The following PCDHGA7 variants were observed in gnomAD, a reference collection of about 807,000 sequenced individuals.
The protein encoded by PCDHGA7 is protocadherin gamma subfamily A, 7.
A neutral mutation model predicts 58.3 loss-of-function variants in PCDHGA7; 44 were observed. The observed-to-expected ratio is 0.75, with a 90% confidence interval of 0.59 to 0.97. The LOEUF (loss-of-function observed/expected upper bound fraction) is 0.97. Among genes scored for constraint, PCDHGA7 ranks in the 50% least tolerant of loss-of-function variants. The probability of loss-of-function intolerance (pLI) is 0.00; values close to 1 mark genes in which losing one functional copy is unlikely to be tolerated. For synonymous variants in PCDHGA7, 516 were observed against 504.2 expected (o/e 1.02, Z -0.31); for missense variants, 1,266 against 1,188.7 (o/e 1.06, Z -0.96).
intron 1 of PCDHGA7, chr5:141,399,103 C>CA (rs755732381): frequency 6.2e-7 from 1 of 1,613,604 alleles, no homozygotes; most frequent in African/African-American, 1.3e-5. Context: ...ACTGGTTGCA[C>CA]AATGTACAGT....
chr5:141,389,834 A>G, intron 1 of PCDHGA7: 2 of 1,613,988 alleles, frequency 1.2e-6, no homozygotes, highest in Non-Finnish European at 1.7e-6. Context: ...GTGGACAGCC[A>G]CCACTCTCGG....
chr5:141,400,588 T>TC, intron 1 of PCDHGA7: 1 of 1,606,158 alleles, frequency 6.2e-7, no homozygotes, highest in South Asian at 1.1e-5. Flanking sequence ...TACATGAAAC[T>TC]ATCGTACATT....
At chr5:141,442,466 A>T (rs1270035223) in intron 1 of PCDHGA7, 1 of 152,254 alleles carries the variant, frequency 6.6e-6, no homozygotes, top group African/African-American at 2.4e-5. Flanking sequence ...TTCACTGCAG[A>T]AAGCCCCTTG....
chr5:141,448,505 T>C (rs1041076095), intron 1 of PCDHGA7, among the ~76,000 whole-genome samples: 24 of 152,172 alleles, frequency 1.6e-4, no homozygotes, highest in African/African-American at 5.8e-4. Flanking sequence ...AGGTAAACAT[T>C]TTATAACTTT....
At chr5:141,408,045 A>G (rs544263424) in intron 1 of PCDHGA7, 8 of 1,236,658 alleles carry the variant, frequency 6.5e-6, no homozygotes, top group Admixed American at 3.0e-5. Flanking sequence ...CAGCTCCCAC[A>G]CAGAGCCTCC....
At chr5:141,387,298 A>G (rs2090894771) in intron 1 of PCDHGA7, among the ~76,000 whole-genome samples, 1 of 152,244 alleles carries the variant, frequency 6.6e-6, no homozygotes, top group Admixed American at 6.5e-5. Context: ...AAATGTATCC[A>G]GTATATTTCT....
chr5:141,415,045 G>T, intron 1 of PCDHGA7: 1 of 1,613,538 alleles, frequency 6.2e-7, no homozygotes, highest in East Asian at 2.2e-5. Context: ...CTTCGCGGTG[G>T]GGGAGCACAC....
chr5:141,419,647 G>C (rs370948584), intron 1 of PCDHGA7: 6 of 1,612,592 alleles, frequency 3.7e-6, no homozygotes, highest in Non-Finnish European at 5.1e-6. Context: ...CCGTGGACGC[G>C]GACTCGGGGC....
At chr5:141,447,937 T>A (rs1036604034) in intron 1 of PCDHGA7, among the ~76,000 whole-genome samples, 1 of 151,852 alleles carries the variant, frequency 6.6e-6, no homozygotes, top group Non-Finnish European at 1.5e-5. Context: ...AATACAAAAA[T>A]TAGCTGGGCA....
intron 1 of PCDHGA7, among the ~76,000 whole-genome samples, chr5:141,437,421 T>G (rs971034611): frequency 1.2e-4 from 19 of 152,238 alleles, no homozygotes; most frequent in African/African-American, 4.6e-4. Flanking sequence ...TTATGCTTTT[T>G]GAAGCAGCAA....
chr5:141,420,364 A>G (rs942479456), intron 1 of PCDHGA7: 8 of 1,368,440 alleles, frequency 5.8e-6, no homozygotes, highest in African/African-American at 3.0e-5. Flanking sequence ...ATTCTAGATA[A>G]CTTCTTCATA....
intron 1 of PCDHGA7, among the ~76,000 whole-genome samples, chr5:141,434,530 A>G (rs1241680580): frequency 6.6e-6 from 1 of 152,226 alleles, no homozygotes; most frequent in African/African-American, 2.4e-5. Flanking sequence ...CTTAAACCAC[A>G]AACAATAGCA....
chr5:141,460,346 ATTTTC>A (rs1049715417), intron 1 of PCDHGA7, among the ~76,000 whole-genome samples: 6 of 151,964 alleles, frequency 3.9e-5, no homozygotes, highest in Non-Finnish European at 8.8e-5. Flanking sequence ...TTTCTCCTAT[ATTTTC>A]TTTTAGAAGT....
chr5:141,390,053 C>G, intron 1 of PCDHGA7: 1 of 1,614,066 alleles, frequency 6.2e-7, no homozygotes, highest in Non-Finnish European at 8.5e-7. Context: ...CCTCCTGGAG[C>G]TGCTTCCAGC....
chr5:141,414,371 A>G (rs1447111430), intron 1 of PCDHGA7: 1 of 1,613,954 alleles, frequency 6.2e-7, no homozygotes, highest in South Asian at 1.1e-5. Flanking sequence ...TTTAAATTAG[A>G]AAAGTCCATT....
intron 1 of PCDHGA7, among the ~76,000 whole-genome samples, chr5:141,480,875 T>C (rs1285607270): frequency 6.6e-6 from 1 of 152,062 alleles, no homozygotes; most frequent in African/African-American, 2.4e-5. Context: ...TGAAACCCCG[T>C]CTCTACTAAA....
intron 1 of PCDHGA7, chr5:141,390,278 T>A (rs559321936): frequency 1.9e-6 from 3 of 1,614,028 alleles, no homozygotes; most frequent in Admixed American, 1.7e-5. Flanking sequence ...TGACTTCCCA[T>A]CAGGTGAGTT....
chr5:141,437,617 C>G (rs570138576), intron 1 of PCDHGA7, among the ~76,000 whole-genome samples: 1 of 152,220 alleles, frequency 6.6e-6, no homozygotes, highest in South Asian at 2.1e-4. Context: ...CTGCTTTATC[C>G]CCATATAAGA....
chr5:141,500,491 G>A (rs1595677531), intron 2 of PCDHGA7, among the ~76,000 whole-genome samples: 1 of 152,156 alleles, frequency 6.6e-6, no homozygotes, highest in East Asian at 1.9e-4. Context: ...TTACAGGCGT[G>A]AGCCACCGCG....
Sources: allele counts gnomAD v4.1 joint callset (sites outside exome capture counted in the v4.1 genomes callset), GRCh38; gene constraint gnomAD v4.1.1; transcripts MANE v1.5; gene names NCBI Gene and HGNC (gene_info 2026-07-23, HGNC 2026-07-21).